TRABD: variants seen among roughly 807,000 people sequenced by gnomAD.
TRABD encodes the protein TraB domain containing, also known as traB domain-containing protein.
In TRABD, 23 loss-of-function variants were observed where a neutral mutation model predicts 39.6. That is an observed-to-expected ratio of 0.58 (90% CI 0.42 to 0.82). The LOEUF (loss-of-function observed/expected upper bound fraction) is 0.82, where lower values mean the gene tolerates loss of function less well. TRABD is among the 40% of genes least tolerant of loss of function. The pLI is 0.00. For missense variants in TRABD, 487 were observed against 544.9 expected, an observed-to-expected ratio of 0.89 and a Z score of 1.06; for synonymous variants, 243 against 232.1, an observed-to-expected ratio of 1.05 and a Z score of -0.43.
Position 50,193,069 on chromosome 22 carries a change from G to A in TRABD, c.9G>A (p.Gly3=). ...GAAGCCGCCGCCCAGCCATGGACGG[G>A]GAGGAGCAGCAGCCACCGCACGAGG... is the stretch of plus-strand genomic sequence containing the variant. The part of the protein sequence containing the change: MD[G]EEQQPPHEAN... Residue 3 remains glycine (G), a synonymous_variant, in exon 2 of 10, where the codon GGG becomes GGA. Coordinates refer to ENST00000380909, the MANE Select transcript of TRABD (RefSeq NM_001320485.2). 5.2e-6 allele frequency: 8 copies of A among 1,545,924 alleles called. No homozygotes were observed. Among genetic ancestry groups the A allele is most frequent in the Non-Finnish European group, 7.0e-6 (8 of 1,147,126 alleles).
In TRABD at chr22:50,199,066, T is replaced by G. The variant is rs1357690912; in HGVS notation, c.*547T>G. ...TCTGCCTGCAGGGATTCTGTGTTTT[T>G]GGCTTTTTTAATGTCTTAAAATCTT... is the stretch of plus-strand genomic sequence containing the variant. On this transcript the variant is annotated 3_prime_UTR_variant, in exon 10 of 10. Coordinates refer to ENST00000380909, the MANE Select transcript of TRABD (RefSeq NM_001320485.2). 1.4e-6 allele frequency: 1 copy of G among 713,492 alleles called. No individual in the cohort carries two copies. The highest frequency in any genetic ancestry group is 2.6e-6 in the Non-Finnish European group (1 of 382,898). The allele number at this position is 713,492 out of a possible 1,614,324, so 44.2% of individuals were successfully genotyped here. A position where few individuals can be genotyped will look rare whatever the true frequency, so the allele number is the denominator to read the frequency against.
In TRABD at chr22:50,198,197, G is replaced by C. The variant is rs1225812326; in HGVS notation, c.956+11G>C. 3.2e-6 allele frequency: 5 copies of C among 1,587,216 alleles called. No individual in the cohort carries two copies. The highest frequency in any genetic ancestry group is 4.3e-6 in the Non-Finnish European group (5 of 1,165,702). Reference sequence around the variant, plus strand: ...CCAGGAGATCATGACGTGAGTGCCCGCCCCTCCCTGCAAGCCCCACCCCAC... The same window carrying C: ...CCAGGAGATCATGACGTGAGTGCCCCCCCCTCCCTGCAAGCCCCACCCCAC... On this transcript the variant is annotated intron_variant, in intron 9 of 9. Transcript: ENST00000380909. This position sits in a 1 kb window ranked among gnomAD's most constrained non-coding sequence, Gnocchi z 7.9.
At chr22:50,194,641 C>T in intron 4 of TRABD, 135 bp downstream of exon 4, 2 of 1,402,246 alleles carry the variant, frequency 1.4e-6, no homozygotes, top group South Asian at 1.4e-5. Context: ...ACTGTGGTCC[C>T]TGGGAGTGGC....
intron 2 of TRABD, 97 bp downstream of exon 2, chr22:50,193,190 A>G: frequency 7.2e-7 from 1 of 1,389,552 alleles, no homozygotes; most frequent in Non-Finnish European, 9.5e-7. Flanking sequence ...TGTTCTGCAA[A>G]GGTGATCTTC....
chr22:50,197,844 C>T lies in TRABD; in HGVS notation c.693C>T (p.Cys231=). ...ACAGCAAGGATGACGTGGAACGCTG[C>T]AAGCAGAAGGACCTACTGGAGCAGA... The part of the protein sequence containing the change: ...DPISKDDVER[C]KQKDLLEQMM... Residue 231 remains cysteine (C), a synonymous_variant, in exon 8 of 10, where the codon TGC becomes TGT. Coordinates refer to ENST00000380909, the MANE Select transcript of TRABD (RefSeq NM_001320485.2). The T allele has an allele frequency of 6.3e-7, 1 of 1,594,290 alleles. No homozygotes were observed. The highest frequency in any genetic ancestry group is 8.5e-7 in the Non-Finnish European group (1 of 1,170,344).
Position 50,198,988 on chromosome 22 carries a change from G to A in TRABD, c.*469G>A, listed in dbSNP as rs984055724. ...AAGGCCCAGCCCTGGAGCTCCAGCC[G>A]ACCCCACCGTGCCCCTGGCATCCTG... On this transcript the variant is annotated 3_prime_UTR_variant, in exon 10 of 10. Coordinates refer to ENST00000380909, the MANE Select transcript of TRABD (RefSeq NM_001320485.2). The surrounding 1 kb of genome is among the most constrained non-coding windows in gnomAD (Gnocchi z 7.9). 14 of 635,232 alleles carry A rather than the reference G, an allele frequency of 2.2e-5. No individual in the cohort carries two copies. The highest frequency in any genetic ancestry group is 1.1e-4 in the East Asian group (4 of 35,560). 39.3% of individuals were successfully genotyped at this position (635,232 alleles called of 1,614,324 possible). A position where few individuals can be genotyped will look rare whatever the true frequency, so the allele number is the denominator to read the frequency against.
At chr22:50,188,000 G>A (rs933599226) in intron 1 of TRABD, among the ~76,000 whole-genome samples, 1 of 151,106 alleles carries the variant, frequency 6.6e-6, no homozygotes, top group African/African-American at 2.4e-5. Context: ...ATGAGGTCTT[G>A]GCCTGGCGCA....
At position 50,196,057 on chromosome 22, in the gene TRABD, C is replaced by T. The variant is rs181010989; in HGVS notation, c.420+1017C>T. ...GAAGGGGCATAGAATTCGGCAGTGCCGTGCTGCTCACTGCTGCGGTGTCAC... is the reference window on the plus strand; with the variant it reads ...GAAGGGGCATAGAATTCGGCAGTGCTGTGCTGCTCACTGCTGCGGTGTCAC... On this transcript the variant is annotated intron_variant, in intron 5 of 9. Transcript: ENST00000380909. Among the ~76,000 whole-genome samples, 631 of 152,294 alleles carry T rather than the reference C, an allele frequency of 4.1e-3. 3 individuals are homozygous for T. Among genetic ancestry groups the T allele is most frequent in the Middle Eastern group, 0.014 (4 of 294 alleles).
rs987912470 is a variant in TRABD, at chr22:50,198,807, T to C, written c.*288T>C. ...CCAGCTCCGAGGGGGCAGGGGCTTA[T>C]AGGAGGGGCCGAGGCGTGCGCTGCC... is the stretch of plus-strand genomic sequence containing the variant. On this transcript the variant is annotated 3_prime_UTR_variant, in exon 10 of 10. Coordinates refer to ENST00000380909, the MANE Select transcript of TRABD (RefSeq NM_001320485.2). This position sits in a 1 kb window ranked among gnomAD's most constrained non-coding sequence, Gnocchi z 7.9. The C allele has an allele frequency of 2.2e-5, 12 of 537,352 alleles. No homozygotes were observed. Among genetic ancestry groups the C allele is most frequent in the Non-Finnish European group, 3.6e-5 (11 of 303,790 alleles). 33.3% of individuals were successfully genotyped at this position (537,352 alleles called of 1,614,324 possible).
At position 50,194,410 on chromosome 22, in the gene TRABD, G is replaced by A. The variant is rs201205686; in HGVS notation, c.183G>A (p.Pro61=). Residue 61 remains proline, a synonymous_variant, in exon 4 of 10, where the codon CCG becomes CCA. Transcript: ENST00000380909. The part of the protein sequence containing the change: ...LKRRRQRPNL[P]RTVTQLVAED... ...GGCGGCGTCAGCGGCCCAACCTGCCGCGCACTGTGACCCAGTTGGTGGCTG... is the reference window on the plus strand; with the variant it reads ...GGCGGCGTCAGCGGCCCAACCTGCCACGCACTGTGACCCAGTTGGTGGCTG... 2.6e-5 allele frequency: 42 copies of A among 1,612,914 alleles called. No homozygotes were observed. The East Asian group carries it at 6.0e-4, about 23-fold the overall frequency.
At chr22:50,189,713 CTCT>C (rs2063844968) in intron 1 of TRABD, among the ~76,000 whole-genome samples, 1 of 150,950 alleles carries the variant, frequency 6.6e-6, no homozygotes, top group Non-Finnish European at 1.5e-5. Context: ...CCAGGTGATG[CTCT>C]GCTGGGACCC....
At chr22:50,195,878 C>G (rs191687048) in intron 5 of TRABD, among the ~76,000 whole-genome samples, 2 of 151,966 alleles carry the variant, frequency 1.3e-5, no homozygotes, top group Admixed American at 6.6e-5. Context: ...TGTCCCTAAA[C>G]GTTTGGCGCC....
intron 5 of TRABD, 50 bp from the exon 6 acceptor site, chr22:50,197,191 G>GCGGGGGGGCCCC: frequency 6.4e-7 from 1 of 1,553,436 alleles, no homozygotes; most frequent in African/African-American, 1.4e-5. Context: ...TTCCCCCAGC[G>GCGGGGGGGCCCC]CACCCCCGCA....
In TRABD at chr22:50,197,460, G is replaced by A. The variant is rs1472825137; in HGVS notation, c.543G>A (p.Val181=). 1 of 1,613,856 alleles carries A rather than the reference G, an allele frequency of 6.2e-7. No individual in the cohort carries two copies. ...FREAFKEASK[V]PFCKFHLGDR... is the part of the protein sequence containing the mutation. ...AGCCTCTGCTCCAGGCCAGCAAGGT[G>A]CCTTTCTGCAAGTTCCACCTGGGTG... Residue 181 remains valine, a synonymous_variant, in exon 7 of 10, where the codon GTG becomes GTA. Transcript: ENST00000380909.
intron 1 of TRABD, among the ~76,000 whole-genome samples, chr22:50,191,186 C>G (rs1383853433): frequency 2.0e-5 from 3 of 152,206 alleles, no homozygotes; most frequent in Admixed American, 2.0e-4. Context: ...TCCCGGCTGT[C>G]CAAGAAGAGG....
At chr22:50,196,606 G>A (rs1183672091) in intron 5 of TRABD, among the ~76,000 whole-genome samples, 1 of 152,242 alleles carries the variant, frequency 6.6e-6, no homozygotes, top group African/African-American at 2.4e-5. Flanking sequence ...TGTGAGTGGT[G>A]AGGCCCTTTC....
chr22:50,198,935 G>C lies in TRABD; in HGVS notation c.*416G>C. On this transcript the variant is annotated 3_prime_UTR_variant, in exon 10 of 10. Transcript: ENST00000380909. This position sits in a 1 kb window ranked among gnomAD's most constrained non-coding sequence, Gnocchi z 7.9. ...GAGCGTCGGCCCAGGGGCGGCTCCT[G>C]GGGGCTCCAGGGCAGGCGAGACTGG... is the stretch of plus-strand genomic sequence containing the variant. The C allele has an allele frequency of 1.7e-6, 1 of 590,958 alleles. No homozygotes were observed. Among genetic ancestry groups the C allele is most frequent in the Non-Finnish European group, 3.1e-6 (1 of 324,162 alleles). 36.6% of individuals were successfully genotyped at this position (590,958 alleles called of 1,614,324 possible). A position where few individuals can be genotyped will look rare whatever the true frequency, so the allele number is the denominator to read the frequency against.
chr22:50,197,782 GT>G, intron 7 of TRABD, 40 bp from the exon 8 acceptor site: 1 of 554,222 alleles, frequency 1.8e-6, no homozygotes, highest in Non-Finnish European at 2.7e-6. Flanking sequence ...CCCCCAGCCC[GT>G]TGCCCATCCC....
rs1176289943 is a variant in TRABD, at chr22:50,199,238, G to A, written c.*719G>A. 13 of 664,278 alleles carry A rather than the reference G, an allele frequency of 2.0e-5. No homozygotes were observed. The highest frequency in any genetic ancestry group is 2.5e-4 in the Middle Eastern group (1 of 4,076). The allele number at this position is 664,278 out of a possible 1,614,324, so 41.1% of individuals were successfully genotyped here. On this transcript the variant is annotated 3_prime_UTR_variant, in exon 10 of 10. Transcript: ENST00000380909. ...CCAAACATCAGCTCTGGGTCCAGGC[G>A]TGGCCTCAGCTGGGAGCCTGTGTCC...
Sources: allele counts gnomAD v4.1 joint callset (sites outside exome capture counted in the v4.1 genomes callset), GRCh38; gene constraint gnomAD v4.1.1; non-coding constraint Gnocchi (gnomAD v3.1); transcripts MANE v1.5; gene names NCBI Gene and HGNC (gene_info 2026-07-23, HGNC 2026-07-21).